Variants in WDTC1 observed in about 807,000 individuals in gnomAD.
The protein encoded by WDTC1 is WD and tetratricopeptide repeats 1, also known as WD and tetratricopeptide repeats protein 1.
In WDTC1, 12 loss-of-function variants were observed where a neutral mutation model predicts 76.0. That is an observed-to-expected ratio of 0.16 (90% CI 0.10 to 0.26). The LOEUF is 0.26. WDTC1 is among the 10% of genes least tolerant of loss of function. The pLI, the probability that WDTC1 is intolerant of heterozygous loss-of-function variation, is 1.00. For synonymous variants in WDTC1, 326 were observed against 350.8 expected (o/e 0.93, Z 0.79); for missense variants, 511 against 908.8 (o/e 0.56, Z 5.63).
chr1:27,263,637 T>C (rs994579025), intron 3 of WDTC1, among the ~76,000 whole-genome samples: 5 of 152,154 alleles, frequency 3.3e-5, no homozygotes, highest in African/African-American at 1.2e-4. Context: ...GGTTTCACCA[T>C]GTTAGCCAGG....
At chr1:27,283,289 G>T (rs2013241767) in intron 4 of WDTC1, 49 bp from the exon 5 acceptor site, 2 of 1,546,286 alleles carry the variant, frequency 1.3e-6, no homozygotes, top group Non-Finnish European at 8.9e-7. Context: ...ATGGGGAAAG[G>T]GAGCCTAGGA....
chr1:27,242,753 G>A (rs2011669378), intron 1 of WDTC1, among the ~76,000 whole-genome samples: 1 of 152,134 alleles, frequency 6.6e-6, no homozygotes, highest in Non-Finnish European at 1.5e-5. Flanking sequence ...ACAGGCGTGA[G>A]CCACCGCACC....
At chr1:27,294,259 C>A (rs2013622356) in intron 8 of WDTC1, 143 bp downstream of exon 8, 6 of 893,558 alleles carry the variant, frequency 6.7e-6, no homozygotes. Context: ...CCAACTCTGC[C>A]ATTGACAAGC....
chr1:27,291,379 G>C (rs1244724395), intron 6 of WDTC1, among the ~76,000 whole-genome samples: 1 of 152,178 alleles, frequency 6.6e-6, no homozygotes, highest in African/African-American at 2.4e-5. Flanking sequence ...CAATTTTTTT[G>C]AGCAGGAGAG....
chr1:27,240,441 C>G (rs59089320), intron 1 of WDTC1, among the ~76,000 whole-genome samples: 17,919 of 152,058 alleles, frequency 0.12, 1,220 homozygotes, highest in South Asian at 0.18. Context: ...TATTGTAGTA[C>G]CTACTTTTTA....
chr1:27,247,667 T>G (rs1351102052), intron 1 of WDTC1, among the ~76,000 whole-genome samples: 1 of 152,112 alleles, frequency 6.6e-6, no homozygotes, highest in Non-Finnish European at 1.5e-5. Context: ...CTCATTCTTA[T>G]GGCTGCATGG....
intron 1 of WDTC1, among the ~76,000 whole-genome samples, chr1:27,248,362 G>A (rs2011920836): frequency 6.6e-6 from 1 of 152,114 alleles, no homozygotes; most frequent in African/African-American, 2.4e-5. Flanking sequence ...GTGTGAGATG[G>A]TATCTCATTG....
intron 1 of WDTC1, among the ~76,000 whole-genome samples, chr1:27,248,394 T>C (rs559482391): frequency 6.6e-6 from 1 of 152,330 alleles, no homozygotes; most frequent in African/African-American, 2.4e-5. Flanking sequence ...TGGATTTCTC[T>C]ATTGATCAGT....
chr1:27,269,621 G>GTTTGTTT (rs2012798173), intron 3 of WDTC1, among the ~76,000 whole-genome samples: 5 of 126,856 alleles, frequency 3.9e-5, no homozygotes, highest in East Asian at 4.9e-4. Flanking sequence ...TTTTTTTTCG[G>GTTTGTTT]TTTTTTTTTT....
chr1:27,250,059 G>A (rs2011985517), intron 1 of WDTC1, among the ~76,000 whole-genome samples: 1 of 152,114 alleles, frequency 6.6e-6, no homozygotes. Flanking sequence ...AAATTGGGGC[G>A]GGGGAAATGT....
intron 3 of WDTC1, among the ~76,000 whole-genome samples, chr1:27,273,019 A>C (rs1476848509): frequency 6.6e-6 from 1 of 152,140 alleles, no homozygotes; most frequent in Admixed American, 6.6e-5. Flanking sequence ...ATGGGTTACT[A>C]GTTTCTAAAT....
At chr1:27,294,445 G>A in intron 8 of WDTC1, 69 bp from the exon 9 acceptor site, 1 of 1,399,566 alleles carries the variant, frequency 7.1e-7, no homozygotes, top group South Asian at 1.2e-5. Context: ...TGATATGACT[G>A]ACTTCACACA....
chr1:27,269,606 G>GTTTTTTTTTTTTTTTTTTTTTT (rs56885576), intron 3 of WDTC1, among the ~76,000 whole-genome samples: 2 of 119,482 alleles, frequency 1.7e-5, no homozygotes, highest in Non-Finnish European at 3.2e-5. Flanking sequence ...TTTGTTTTTT[G>GTTTTTTTTTTTTTTTTTTTTTT]TTTTTTTTTT....
At chr1:27,279,856 A>G (rs1210260675) in intron 3 of WDTC1, among the ~76,000 whole-genome samples, 1 of 152,206 alleles carries the variant, frequency 6.6e-6, no homozygotes, top group East Asian at 1.9e-4. Flanking sequence ...GTGAGCCACC[A>G]TGCCCAGCCT....
chr1:27,253,946 C>G (rs367628280), intron 1 of WDTC1, among the ~76,000 whole-genome samples: 1 of 152,010 alleles, frequency 6.6e-6, no homozygotes, highest in Non-Finnish European at 1.5e-5. Flanking sequence ...TCTTCTCATC[C>G]TCGAATAACT....
chr1:27,267,583 G>C (rs968160560), intron 3 of WDTC1, among the ~76,000 whole-genome samples: 1 of 152,040 alleles, frequency 6.6e-6, no homozygotes, highest in African/African-American at 2.4e-5. Context: ...ATGTAATCCA[G>C]TTACGTGGAA....
chr1:27,236,192 T>G (rs924188378), intron 1 of WDTC1, among the ~76,000 whole-genome samples: 1 of 152,212 alleles, frequency 6.6e-6, no homozygotes, highest in African/African-American at 2.4e-5. Flanking sequence ...GTGATTCTTA[T>G]ATCTTTAGCG....
At chr1:27,289,804 G>A (rs1325224382) in intron 6 of WDTC1, among the ~76,000 whole-genome samples, 9 of 152,044 alleles carry the variant, frequency 5.9e-5, no homozygotes, top group African/African-American at 2.2e-4. Flanking sequence ...CCAACACAGC[G>A]AAACCCCGTC....
intron 4 of WDTC1, among the ~76,000 whole-genome samples, chr1:27,282,718 G>A (rs1377416797): frequency 1.3e-5 from 2 of 151,860 alleles, no homozygotes. Flanking sequence ...TGCCCAGGCT[G>A]GTCTCAAACT....
Sources: allele counts gnomAD v4.1 joint callset (sites outside exome capture counted in the v4.1 genomes callset), GRCh38; gene constraint gnomAD v4.1.1; transcripts MANE v1.5; gene names NCBI Gene and HGNC (gene_info 2026-07-23, HGNC 2026-07-21).